TANGO6: variants seen among roughly 807,000 people sequenced by gnomAD.
The protein encoded by TANGO6 is transport and golgi organization 6 homolog.
TANGO6 carries 90 observed loss-of-function variants against 114.2 expected under a neutral mutation model. That is an observed-to-expected ratio of 0.79 (90% CI 0.66 to 0.94). The LOEUF is 0.94. Ranked by LOEUF, TANGO6 falls within the 40% of genes least tolerant of loss-of-function variation. The pLI is 0.00. For missense variants in TANGO6, 1,274 were observed against 1,315.3 expected (o/e 0.97, Z 0.49); for synonymous variants, 477 against 509.8 (o/e 0.94, Z 0.87).
chr16:69,020,963 T>A (rs947666607), intron 15 of TANGO6, among the ~76,000 whole-genome samples: 1 of 151,096 alleles, frequency 6.6e-6, no homozygotes, highest in African/African-American at 2.4e-5. Context: ...GTATGCGGAA[T>A]CTTCTTATCA....
At chr16:69,003,550 C>T (rs1964064007) in intron 15 of TANGO6, among the ~76,000 whole-genome samples, 1 of 152,106 alleles carries the variant, frequency 6.6e-6, no homozygotes, top group Non-Finnish European at 1.5e-5. Flanking sequence ...GAATTAAAAG[C>T]CAGTATTTCT....
chr16:69,070,360 C>T (rs571518564), intron 17 of TANGO6, among the ~76,000 whole-genome samples: 190 of 152,070 alleles, frequency 1.2e-3, no homozygotes, highest in African/African-American at 4.3e-3. Context: ...GGGCCAGGCG[C>T]AGTGGCTCAC....
intron 15 of TANGO6, among the ~76,000 whole-genome samples, chr16:68,979,428 T>TGC: frequency 6.6e-6 from 1 of 151,964 alleles, no homozygotes; most frequent in South Asian, 2.1e-4. Context: ...TGGGGTTTCA[T>TGC]CATGTTGGCC....
intron 14 of TANGO6, among the ~76,000 whole-genome samples, chr16:68,961,268 C>T (rs990955034): frequency 3.9e-5 from 6 of 152,276 alleles, no homozygotes; most frequent in Middle Eastern, 6.8e-3. Flanking sequence ...AGTATGATTC[C>T]GGTAGTTATT....
intron 15 of TANGO6, among the ~76,000 whole-genome samples, chr16:68,999,751 G>T (rs1468411858): frequency 2.0e-5 from 3 of 152,094 alleles, no homozygotes; most frequent in Non-Finnish European, 4.4e-5. Context: ...AAAACAGAAA[G>T]GATCAGCAGT....
chr16:68,940,744 T>C (rs1489274165), intron 14 of TANGO6, among the ~76,000 whole-genome samples: 2 of 152,178 alleles, frequency 1.3e-5, no homozygotes, highest in Non-Finnish European at 1.5e-5. Context: ...TTGGGAGATT[T>C]TAGGACCTAG....
At chr16:68,933,996 G>A (rs1480835666) in intron 14 of TANGO6, 1 of 152,270 alleles carries the variant, frequency 6.6e-6, no homozygotes, top group Non-Finnish European at 1.5e-5. Flanking sequence ...AGCATGCAGA[G>A]GGGAAATCGT....
intron 7 of TANGO6, among the ~76,000 whole-genome samples, chr16:68,897,840 A>C (rs1481384381): frequency 1.3e-5 from 2 of 152,120 alleles, no homozygotes; most frequent in African/African-American, 4.8e-5. Flanking sequence ...AGCCTCCCAA[A>C]GTGCTGGGAT....
chr16:68,933,609 C>T (rs966079148), intron 14 of TANGO6, among the ~76,000 whole-genome samples: 1 of 152,204 alleles, frequency 6.6e-6, no homozygotes, highest in African/African-American at 2.4e-5. Flanking sequence ...GAACCAGTGG[C>T]CTACCAGGGC....
At chr16:69,006,895 T>C (rs1023777120) in intron 15 of TANGO6, among the ~76,000 whole-genome samples, 2 of 152,228 alleles carry the variant, frequency 1.3e-5, no homozygotes, top group African/African-American at 4.8e-5. Context: ...TAGGACATTT[T>C]CATCACCCCA....
chr16:69,035,147 T>A (rs1959666630), intron 16 of TANGO6: 1 of 152,178 alleles, frequency 6.6e-6, no homozygotes, highest in Non-Finnish European at 1.5e-5. Flanking sequence ...GAATTTACTA[T>A]CAGTTTTGCC....
chr16:68,953,858 T>A (rs890773501), intron 14 of TANGO6, among the ~76,000 whole-genome samples: 1 of 152,096 alleles, frequency 6.6e-6, no homozygotes, highest in African/African-American at 2.4e-5. Flanking sequence ...TCACTAAACA[T>A]GTTTTAGGGA....
Position 68,928,002 on chromosome 16 carries a change from G to C in TANGO6, c.2562G>C (p.Arg854=), listed in dbSNP as rs368373616. The C allele has an allele frequency of 8.1e-6, 13 of 1,611,620 alleles. No individual in the cohort carries two copies. The African/African-American group carries it at 1.2e-4, about 15-fold the overall frequency. Residue 854 remains arginine, a synonymous_variant, in exon 13 of 18, where the codon CGG becomes CGC. Transcript: ENST00000261778. ...CTTATGACCCTCAAATTCCAACACG[G>C]GCTGCTGCCCTGCGTACTCTTTCCC... The part of the protein sequence containing the change: ...LSAYDPQIPT[R]AAALRTLSHW...
At chr16:69,041,974 GAAGAT>G (rs991954945) in intron 17 of TANGO6, among the ~76,000 whole-genome samples, 1 of 152,148 alleles carries the variant, frequency 6.6e-6, no homozygotes, top group African/African-American at 2.4e-5. Context: ...GAGAAAGAAA[GAAGAT>G]AAGAGAAGGA....
chr16:69,076,132 C>T (rs545173763), intron 17 of TANGO6, among the ~76,000 whole-genome samples: 1 of 118,204 alleles, frequency 8.5e-6, no homozygotes, highest in East Asian at 2.5e-4. Context: ...TGCTCTGTCT[C>T]CCAGGCTGGA....
intron 1 of TANGO6, among the ~76,000 whole-genome samples, chr16:68,847,620 A>G (rs564471339): frequency 1.2e-4 from 19 of 152,174 alleles, no homozygotes; most frequent in Non-Finnish European, 2.4e-4. Flanking sequence ...GGGAAATAAC[A>G]CTCATTTCCG....
chr16:69,081,677 C>T (rs1262632562), intron 17 of TANGO6, among the ~76,000 whole-genome samples: 1 of 152,028 alleles, frequency 6.6e-6, no homozygotes, highest in Non-Finnish European at 1.5e-5. Flanking sequence ...TCCGTTGAAA[C>T]CTGTTTCTTG....
rs941370592 is a variant in TANGO6 at position 68,902,432 on chromosome 16, C to G, written c.1595C>G (p.Ser532Cys). 2.5e-6 allele frequency: 4 copies of G among 1,613,720 alleles called. No individual in the cohort carries two copies. The highest frequency in any genetic ancestry group is 2.7e-5 in the African/African-American group (2 of 74,922). Reference sequence around the variant, plus strand: ...GCAGGGTTGGACAAAGCTGTGCCCTCTCTCCATTCTCTGTGTCAGTTTAGA... The same window carrying G: ...GCAGGGTTGGACAAAGCTGTGCCCTGTCTCCATTCTCTGTGTCAGTTTAGA... Reference protein sequence around the residue: ...GFAGLDKAVPSLHSLCQFRVA... With the variant: ...GFAGLDKAVPCLHSLCQFRVA... Residue 532 changes from serine to cysteine, a missense_variant, in exon 9 of 18, where the codon TCT (serine) becomes TGT (cysteine). Ser to Cys is a moderately radical substitution (Grantham distance 112). Coordinates refer to ENST00000261778, the MANE Select transcript of TANGO6 (RefSeq NM_024562.2).
At chr16:68,918,377 A>C (rs1385682152) in intron 11 of TANGO6, among the ~76,000 whole-genome samples, 1 of 152,192 alleles carries the variant, frequency 6.6e-6, no homozygotes, top group Admixed American at 6.5e-5. Context: ...AGTCCAGCTT[A>C]TCATTACTTT....
Sources: gnomAD v4.1 joint callset for allele counts (sites outside exome capture counted in the v4.1 genomes callset) on GRCh38, gnomAD v4.1.1 for gene constraint, MANE v1.5 for transcripts, NCBI Gene and HGNC (gene_info 2026-07-23, HGNC 2026-07-21) for gene names.